Variants in ABCB7 observed in about 807,000 individuals in gnomAD.
ABCB7 encodes iron-sulfur clusters transporter ABCB7, mitochondrial.
In ABCB7, 7 loss-of-function variants were observed where a neutral mutation model predicts 54.4. That is an observed-to-expected ratio of 0.13 (90% CI 0.07 to 0.24). The LOEUF (loss-of-function observed/expected upper bound fraction) is 0.24. Ranked by LOEUF, ABCB7 falls within the 10% of genes least tolerant of loss-of-function variation. ABCB7 has a pLI of 1.00. For synonymous variants in ABCB7, 218 were observed against 207.1 expected (o/e 1.05, Z -0.45); for missense variants, 356 against 570.4 (o/e 0.62, Z 3.83).
chrX:75,125,938 G>GT (rs1219989999), intron 1 of ABCB7, among the ~76,000 whole-genome samples: 12 of 110,555 alleles, frequency 1.1e-4, no homozygotes, highest in Non-Finnish European at 1.7e-4. Context: ...AAACCTGTCA[G>GT]TTTTTTTTCT....
At chrX:75,060,966 A>C (rs1225023247) in intron 14 of ABCB7, among the ~76,000 whole-genome samples, 1 of 112,034 alleles carries the variant, frequency 8.9e-6, no homozygotes, top group Non-Finnish European at 1.9e-5. Flanking sequence ...ACCTGGGTCT[A>C]AGTACAGCAA....
chrX:75,145,685 G>A (rs2082085543), intron 1 of ABCB7, among the ~76,000 whole-genome samples: 1 of 111,732 alleles, frequency 8.9e-6, no homozygotes, highest in African/African-American at 3.3e-5. Flanking sequence ...ACAAGACAAG[G>A]ATGCCCTCTC....
chrX:75,095,649 C>G (rs2081584441), intron 4 of ABCB7, among the ~76,000 whole-genome samples: 1 of 112,184 alleles, frequency 8.9e-6, no homozygotes, highest in South Asian at 3.7e-4. Context: ...AAAGTACTAG[C>G]AGGCACTCAT....
At chrX:75,140,370 T>C (rs1003078681) in intron 1 of ABCB7, among the ~76,000 whole-genome samples, 1 of 110,929 alleles carries the variant, frequency 9.0e-6, no homozygotes, top group African/African-American at 3.3e-5. Flanking sequence ...TTCAAGTCCA[T>C]CGTGGGCAAT....
At chrX:75,125,704 G>A (rs149671558) in intron 1 of ABCB7, among the ~76,000 whole-genome samples, 146 of 110,718 alleles carry the variant, frequency 1.3e-3, no homozygotes, top group Non-Finnish European at 2.2e-3. Context: ...TTATCTCCCC[G>A]TGGTCTTACT....
At chrX:75,087,822 G>A (rs907574910) in intron 4 of ABCB7, among the ~76,000 whole-genome samples, 4 of 111,905 alleles carry the variant, frequency 3.6e-5, no homozygotes, top group Non-Finnish European at 7.5e-5. Context: ...AAAAGCTAGA[G>A]ATCATAATAT....
chrX:75,136,489 A>T (rs1320517089), intron 1 of ABCB7, among the ~76,000 whole-genome samples: 1 of 111,942 alleles, frequency 8.9e-6, no homozygotes, highest in African/African-American at 3.3e-5. Context: ...TGAAAAAAAC[A>T]TTCTAAAATT....
chrX:75,096,323 T>G (rs2081591216), intron 4 of ABCB7, among the ~76,000 whole-genome samples: 1 of 112,141 alleles, frequency 8.9e-6, no homozygotes, highest in Non-Finnish European at 1.9e-5. Context: ...AAGTAAGTAC[T>G]CTTTCCCAAG....
intron 4 of ABCB7, among the ~76,000 whole-genome samples, chrX:75,085,489 G>A (rs1305447650): frequency 9.0e-6 from 1 of 111,471 alleles, no homozygotes; most frequent in African/African-American, 3.3e-5. Flanking sequence ...GATTTTTGGG[G>A]TGATAGCACT....
intron 13 of ABCB7, among the ~76,000 whole-genome samples, chrX:75,064,658 T>C (rs1205839747): frequency 9.0e-6 from 1 of 111,364 alleles, no homozygotes; most frequent in African/African-American, 3.3e-5. Context: ...GAAAACATCT[T>C]CTAATGATCT....
At chrX:75,094,961 C>A (rs1047612232) in intron 4 of ABCB7, among the ~76,000 whole-genome samples, 7 of 110,114 alleles carry the variant, frequency 6.4e-5, no homozygotes. Flanking sequence ...ATACCAATCC[C>A]CTCTCTTAGT....
At chrX:75,073,186 G>A (rs908408038) in intron 8 of ABCB7, among the ~76,000 whole-genome samples, 1 of 111,223 alleles carries the variant, frequency 9.0e-6, no homozygotes, top group Non-Finnish European at 1.9e-5. Flanking sequence ...AGTAGAAGGC[G>A]TACACTCTAA....
At chrX:75,099,105 C>G (rs2081617201) in intron 3 of ABCB7, 44 bp from the exon 4 acceptor site, 1 of 1,153,979 alleles carries the variant, frequency 8.7e-7, no homozygotes, top group African/African-American at 1.8e-5. Flanking sequence ...CATGTCATTT[C>G]AAACATAACC....
At chrX:75,156,046 C>T (rs1320257773) in intron 1 of ABCB7, 59 bp downstream of exon 1, 1 of 1,181,759 alleles carries the variant, frequency 8.5e-7, no homozygotes, top group Non-Finnish European at 1.1e-6. Flanking sequence ...GGAGGGCAAC[C>T]TTTTCCCTAC....
At chrX:75,130,060 C>T (rs1466250406) in intron 1 of ABCB7, among the ~76,000 whole-genome samples, 1 of 111,423 alleles carries the variant, frequency 9.0e-6, no homozygotes, top group Non-Finnish European at 1.9e-5. Flanking sequence ...ATAACCCATT[C>T]CTAACACTAC....
Position 75,062,340 on chromosome X carries a change from C to T in ABCB7, c.1923G>A (p.Ser641=), listed in dbSNP as rs774448307. 12 of 1,205,188 alleles carry T rather than the reference C, an allele frequency of 1.0e-5. No homozygotes were observed. Among genetic ancestry groups the T allele is most frequent in the East Asian group, 8.9e-5 (3 of 33,684 alleles). The part of the protein sequence containing the change: ...LYDEATSSLD[S]ITEETILGAM... ...AATCATAACTTACCTCTTCAGTAAT[C>T]GAATCTAACGATGAAGTAGCTTCAT... Residue 641 remains serine, a synonymous_variant, in exon 14 of 16, where the codon TCG becomes TCA. Transcript: ENST00000373394.
At chrX:75,103,184 T>G (rs1162704549) in intron 3 of ABCB7, among the ~76,000 whole-genome samples, 2 of 111,763 alleles carry the variant, frequency 1.8e-5, no homozygotes, top group Admixed American at 9.5e-5. Flanking sequence ...CACCACAAAA[T>G]CTTTGCATAG....
intron 3 of ABCB7, among the ~76,000 whole-genome samples, chrX:75,108,444 T>C (rs1259508638): frequency 1.8e-5 from 2 of 111,522 alleles, no homozygotes; most frequent in Non-Finnish European, 3.8e-5. Context: ...TATCAGAATA[T>C]ACAACATGCC....
chrX:75,123,514 T>C (rs1244332841), intron 1 of ABCB7, among the ~76,000 whole-genome samples: 1 of 112,076 alleles, frequency 8.9e-6, no homozygotes, highest in Non-Finnish European at 1.9e-5. Flanking sequence ...TTGGGGTCGA[T>C]TGTTCCATGT....
Sources: gnomAD v4.1 joint callset for allele counts (sites outside exome capture counted in the v4.1 genomes callset) on GRCh38, gnomAD v4.1.1 for gene constraint, MANE v1.5 for transcripts, NCBI Gene and HGNC (gene_info 2026-07-23, HGNC 2026-07-21) for gene names.